CSMD1: variants seen among roughly 807,000 people sequenced by gnomAD.
CSMD1 encodes CUB and Sushi multiple domains 1.
CSMD1 carries 213 observed loss-of-function variants against 417.5 expected under a neutral mutation model. That is an observed-to-expected ratio of 0.51 (90% CI 0.46 to 0.57). CSMD1 has a LOEUF of 0.57. Among genes scored for constraint, CSMD1 ranks in the 20% least tolerant of loss-of-function variants. The probability of loss-of-function intolerance (pLI) is 0.00; values close to 1 mark genes in which losing one functional copy is unlikely to be tolerated. For synonymous variants in CSMD1, 2,862 were observed against 1,736.8 expected (o/e 1.65, Z -16.11); for missense variants, 6,923 against 4,529.7 (o/e 1.53, Z -15.17).
rs555331334 is a variant in CSMD1, at chr8:3,799,011, T to C, written c.819-44969A>G. Among the ~76,000 whole-genome samples the C allele has an allele frequency of 1.7e-4, 26 of 152,210 alleles. No individual in the cohort carries two copies. The East Asian group carries it at 5.0e-3, about 29-fold the overall frequency. The stretch of plus-strand genomic sequence containing the variant: ...AATATGCCATATAAATGTAATATAA[T>C]ACTTTTTCAGATCTGAAAAAGTTAA... On this transcript the variant is annotated intron_variant, in intron 5 of 69. Transcript: ENST00000635120.
At chr8:3,243,333 A>G (rs142957322) in intron 26 of CSMD1, among the ~76,000 whole-genome samples, 1 of 152,304 alleles carries the variant, frequency 6.6e-6, no homozygotes, top group South Asian at 2.1e-4. Flanking sequence ...ACTCGCGTCC[A>G]TGTGAAGACA....
chr8:4,747,235 T>C (rs1049181307), intron 1 of CSMD1, among the ~76,000 whole-genome samples: 13 of 152,204 alleles, frequency 8.5e-5, no homozygotes, highest in Non-Finnish European at 1.9e-4. Flanking sequence ...ACACAGCATT[T>C]TATTGAGACA....
intron 25 of CSMD1, among the ~76,000 whole-genome samples, chr8:3,297,193 G>A (rs1010483659): frequency 3.3e-5 from 5 of 152,084 alleles, no homozygotes; most frequent in East Asian, 3.9e-4. Context: ...AATAAATGGA[G>A]AGGTATACAA....
chr8:3,983,168 T>C (rs1175835704), intron 5 of CSMD1, among the ~76,000 whole-genome samples: 2 of 146,144 alleles, frequency 1.4e-5, no homozygotes, highest in Non-Finnish European at 1.5e-5. Context: ...TCTCGCTCTG[T>C]CACCCAGGCT....
intron 41 of CSMD1, among the ~76,000 whole-genome samples, chr8:3,126,801 G>A (rs536298093): frequency 2.6e-5 from 4 of 152,138 alleles, no homozygotes; most frequent in Non-Finnish European, 5.9e-5. Flanking sequence ...AGAGTTTTGG[G>A]CCTCGCTGAG....
At chr8:3,291,622 TTATAG>T (rs1225047667) in intron 25 of CSMD1, among the ~76,000 whole-genome samples, 1 of 152,218 alleles carries the variant, frequency 6.6e-6, no homozygotes, top group African/African-American at 2.4e-5. Context: ...ATAGAGGTGT[TTATAG>T]TATTCTCTGA....
intron 5 of CSMD1, among the ~76,000 whole-genome samples, chr8:3,957,198 A>T (rs11991412): frequency 0.015 from 2,317 of 152,238 alleles, 50 homozygotes; most frequent in African/African-American, 0.052. Context: ...GAACTAAAAC[A>T]TTTCTCAAAA....
chr8:3,311,307 T>G (rs1180061969), intron 23 of CSMD1, among the ~76,000 whole-genome samples: 1 of 152,144 alleles, frequency 6.6e-6, no homozygotes, highest in Non-Finnish European at 1.5e-5. Flanking sequence ...TGGAATGCAG[T>G]GGCATGATCT....
intron 51 of CSMD1, among the ~76,000 whole-genome samples, chr8:3,028,195 T>C (rs1019890373): frequency 6.6e-6 from 1 of 152,194 alleles, no homozygotes; most frequent in African/African-American, 2.4e-5. Context: ...GACAAGATGA[T>C]GTTGGCGGGA....
intron 3 of CSMD1, among the ~76,000 whole-genome samples, chr8:4,197,305 T>C (rs915831137): frequency 6.6e-6 from 1 of 152,230 alleles, no homozygotes; most frequent in African/African-American, 2.4e-5. Context: ...TGATGGGTAA[T>C]GTTATACAAC....
At chr8:3,441,599 T>C (rs764500236) in intron 12 of CSMD1, among the ~76,000 whole-genome samples, 19 of 151,904 alleles carry the variant, frequency 1.3e-4, no homozygotes, top group South Asian at 4.2e-4. Context: ...GATTATAATG[T>C]AGTTAAAAAC....
At chr8:3,900,199 TGGGTGA>T (rs1807639457) in intron 5 of CSMD1, among the ~76,000 whole-genome samples, 1 of 151,648 alleles carries the variant, frequency 6.6e-6, no homozygotes. Flanking sequence ...ACAGTGCAGC[TGGGTGA>T]CAGTGGAGCT....
intron 3 of CSMD1, among the ~76,000 whole-genome samples, chr8:4,385,542 T>G (rs1192231107): frequency 6.6e-6 from 1 of 152,220 alleles, no homozygotes; most frequent in South Asian, 2.1e-4. Context: ...TCCTTTCATT[T>G]TTTTGGACTG....
intron 3 of CSMD1, among the ~76,000 whole-genome samples, chr8:4,258,481 C>T (rs13278832): frequency 0.024 from 1 of 42 alleles, no homozygotes; most frequent in Non-Finnish European, 0.05. Context: ...GATGGAAGGA[C>T]GGAGGGAGGG....
chr8:3,449,490 A>C (rs1482295075), intron 12 of CSMD1, among the ~76,000 whole-genome samples: 2 of 151,966 alleles, frequency 1.3e-5, no homozygotes, highest in Admixed American at 6.6e-5. Flanking sequence ...TGTGGTGAAG[A>C]ACAAAATGAA....
intron 3 of CSMD1, among the ~76,000 whole-genome samples, chr8:4,037,941 T>G (rs754832971): frequency 1.3e-4 from 20 of 152,268 alleles, no homozygotes; most frequent in Non-Finnish European, 2.6e-4. Context: ...TTTTCAAAAT[T>G]CAGTTGGACA....
chr8:3,033,126 T>C (rs1810454472), intron 50 of CSMD1, among the ~76,000 whole-genome samples: 1 of 152,142 alleles, frequency 6.6e-6, no homozygotes, highest in Non-Finnish European at 1.5e-5. Context: ...AAAGATATTT[T>C]ATTTTGAAAG....
intron 5 of CSMD1, among the ~76,000 whole-genome samples, chr8:3,824,096 A>AT (rs1489795921): frequency 6.6e-6 from 1 of 152,188 alleles, no homozygotes; most frequent in Non-Finnish European, 1.5e-5. Context: ...TGTCACAGTG[A>AT]AATTAGTCTC....
intron 5 of CSMD1, among the ~76,000 whole-genome samples, chr8:3,941,206 G>C (rs925185155): frequency 3.9e-5 from 6 of 151,992 alleles, no homozygotes; most frequent in African/African-American, 9.7e-5. Flanking sequence ...TTGTGCTAGA[G>C]AACAATTCAA....
Sources: gnomAD v4.1 joint callset for allele counts (sites outside exome capture counted in the v4.1 genomes callset) on GRCh38, gnomAD v4.1.1 for gene constraint, MANE v1.5 for transcripts, NCBI Gene and HGNC (gene_info 2026-07-23, HGNC 2026-07-21) for gene names.